Variants in LRP1B observed in about 807,000 individuals in gnomAD.
LRP1B encodes low-density lipoprotein receptor-related protein 1B.
In LRP1B, 217 loss-of-function variants were observed where a neutral mutation model predicts 556.6. The observed-to-expected ratio is 0.39, with a 90% confidence interval of 0.35 to 0.44. The LOEUF (loss-of-function observed/expected upper bound fraction) is 0.44. Among genes scored for constraint, LRP1B ranks in the 20% least tolerant of loss-of-function variants. LRP1B has a pLI of 1.00. For synonymous variants in LRP1B, 2,047 were observed against 1,865.8 expected, an observed-to-expected ratio of 1.10 and a Z score of -2.50; for missense variants, 5,053 against 5,620.8, an observed-to-expected ratio of 0.90 and a Z score of 3.23.
At chr2:142,130,301 G>A (rs979307522) in intron 1 of LRP1B, among the ~76,000 whole-genome samples, 14 of 152,220 alleles carry the variant, frequency 9.2e-5, no homozygotes, top group African/African-American at 3.4e-4. Flanking sequence ...GAGGGCCATC[G>A]CGGAGGGAAG....
chr2:140,468,810 G>A lies in LRP1B; in HGVS notation c.9625+6328C>T, dbSNP rs147322571. 3.2e-3 allele frequency among the ~76,000 whole-genome samples: 489 copies of A among 152,218 alleles called. 2 individuals are homozygous for A. Among genetic ancestry groups the A allele is most frequent in the African/African-American group, 0.011 (459 of 41,538 alleles). On this transcript the variant is annotated intron_variant, in intron 60 of 90. Transcript: ENST00000389484. ...GGAGCCTTAAGATTTAATGTTTTCC[G>A]TTTTGGTTTTGGTGTTTGGTCAGAA...
chr2:140,408,400 G>A (rs1684838657), intron 66 of LRP1B, among the ~76,000 whole-genome samples: 1 of 151,970 alleles, frequency 6.6e-6, no homozygotes, highest in South Asian at 2.1e-4. Flanking sequence ...AGGCGATCTT[G>A]TGAGCTCTGG....
At chr2:141,764,704 T>TA (rs1694677321) in intron 2 of LRP1B, among the ~76,000 whole-genome samples, 1 of 151,552 alleles carries the variant, frequency 6.6e-6, no homozygotes, top group South Asian at 2.1e-4. Context: ...AATTTTTTTT[T>TA]ATGGGAGCCT....
intron 53 of LRP1B, among the ~76,000 whole-genome samples, chr2:140,505,885 G>A (rs7423992): frequency 0.2 from 29,866 of 151,964 alleles, 3,603 homozygotes; most frequent in Non-Finnish European, 0.27. Flanking sequence ...GATATTTTAC[G>A]AAAACATTAA....
rs758661846 is a variant in LRP1B at position 141,013,709 on chromosome 2, C to T, written c.2227G>A (p.Gly743Arg). ...YSGRELNHPF[G>R]LSHHGNYVFW... ...ACATAATTTCCATGATGCGACAGTC[C>T]GAAAGGGTGGTTCAACTCTCTCCCA... Residue 743 changes from glycine to arginine, a missense_variant, in exon 14 of 91, where the codon GGA (glycine) becomes AGA (arginine). By Grantham distance (125) the Gly-to-Arg change is moderately radical. This residue lies in a region of LRP1B where 3,619 missense variants were observed against 3,931.9 expected (regional missense o/e 0.92). Coordinates refer to ENST00000389484, the MANE Select transcript of LRP1B (RefSeq NM_018557.3). The T allele has an allele frequency of 3.8e-6, 6 of 1,595,644 alleles. No homozygotes were observed. The highest frequency in any genetic ancestry group is 2.7e-5 in the African/African-American group (2 of 73,810).
chr2:140,442,664 C>T (rs369092391), intron 65 of LRP1B, 41 bp from the exon 66 acceptor site: 97 of 1,598,382 alleles, frequency 6.1e-5, no homozygotes, highest in Non-Finnish European at 7.8e-5. Flanking sequence ...CTTTGGAGAA[C>T]ATATTTATTT....
chr2:141,942,705 C>CA (rs1700847661), intron 1 of LRP1B, among the ~76,000 whole-genome samples: 2 of 152,026 alleles, frequency 1.3e-5, no homozygotes, highest in African/African-American at 4.8e-5. Context: ...CAGCAGTTTC[C>CA]AAAACAGTGT....
intron 2 of LRP1B, among the ~76,000 whole-genome samples, chr2:141,620,942 C>A (rs1233407971): frequency 4.8e-5 from 1 of 20,706 alleles, no homozygotes; most frequent in Non-Finnish European, 9.2e-5. Flanking sequence ...ATTTCATTAA[C>A]CTTTTAATAA....
intron 3 of LRP1B, among the ~76,000 whole-genome samples, chr2:141,414,797 G>A (rs4954702): frequency 0.5 from 75,755 of 152,132 alleles, 21,111 homozygotes; most frequent in East Asian, 0.68. Context: ...TGTCGTTGTT[G>A]TAGTTTATAA....
Position 140,841,026 on chromosome 2 carries a change from T to G in LRP1B, c.5006A>C (p.Glu1669Ala), listed in dbSNP as rs759397426. 11 of 1,613,486 alleles carry G rather than the reference T, an allele frequency of 6.8e-6. No individual in the cohort carries two copies. The African/African-American group carries it at 1.3e-4, about 20-fold the overall frequency. ...VSRNLYWISS[E>A]FDETQINVAR... ...CACATTAATTTGCGTTTCATCAAATTCTGAGCTAATCCAGTATAAATTACG... is the reference window on the plus strand; with the variant it reads ...CACATTAATTTGCGTTTCATCAAATGCTGAGCTAATCCAGTATAAATTACG... Residue 1669 changes from glutamate (E) to alanine (A), a missense_variant, in exon 30 of 91, where the codon GAA (glutamate) becomes GCA (alanine). Glu to Ala is a moderately radical substitution (Grantham distance 107, BLOSUM62 -1). Transcript: ENST00000389484.
At position 140,838,504 on chromosome 2, in the gene LRP1B, G is replaced by A. The variant is rs565105183; in HGVS notation, c.5209+1487C>T. ...GAGAGGTTTATTCTATAGACCACAT[G>A]AAAAGAATTATTTATTGCAAATCTT... On this transcript the variant is annotated intron_variant, in intron 31 of 90. Coordinates refer to ENST00000389484, the MANE Select transcript of LRP1B (RefSeq NM_018557.3). Among the ~76,000 whole-genome samples, 16 of 152,086 alleles carry A rather than the reference G, an allele frequency of 1.1e-4. No individual in the cohort carries two copies. In the South Asian group the frequency reaches 3.3e-3, roughly 32 times the overall value.
Position 140,291,318 on chromosome 2 carries a change from A to ATATAT in LRP1B, c.12967+6489_12967+6490insATATA, listed in dbSNP as rs369391920. Among the ~76,000 whole-genome samples the ATATAT allele has an allele frequency of 2.0e-3, 214 of 109,324 alleles. 8 individuals carry two copies. Among genetic ancestry groups the ATATAT allele is most frequent in the Non-Finnish European group, 3.2e-3 (160 of 50,474 alleles). The allele number at this position is 109,324 out of a possible 152,430, so 71.7% of individuals were successfully genotyped here. A position where few individuals can be genotyped will look rare whatever the true frequency, so the allele number is the denominator to read the frequency against. On this transcript the variant is annotated intron_variant, in intron 84 of 90. Coordinates refer to ENST00000389484, the MANE Select transcript of LRP1B (RefSeq NM_018557.3). The stretch of plus-strand genomic sequence containing the variant: ...TTATTTTATATATATATATATATAT[A>ATATAT]TTTTTATTATACTTTAAGTTCTAGG...
Position 141,912,588 on chromosome 2 carries a change from G to A in LRP1B, c.83-102187C>T, listed in dbSNP as rs910042240. The stretch of plus-strand genomic sequence containing the variant: ...TGTGGGGAGAGGACAATGGAGAGTC[G>A]TTATTTACTACATTTTAGGAGTTCA... On this transcript the variant is annotated intron_variant, in intron 1 of 90. Coordinates refer to ENST00000389484, the MANE Select transcript of LRP1B (RefSeq NM_018557.3). Among the ~76,000 whole-genome samples the A allele has an allele frequency of 5.3e-5, 8 of 152,114 alleles. No individual in the cohort carries two copies. In the East Asian group the frequency reaches 7.7e-4, roughly 15 times the overall value.
intron 86 of LRP1B, among the ~76,000 whole-genome samples, chr2:140,268,937 T>G (rs558912662): frequency 6.6e-6 from 1 of 152,072 alleles, no homozygotes; most frequent in Admixed American, 6.6e-5. Flanking sequence ...TAAATAAAAA[T>G]TATTCCAAAT....
In LRP1B at chr2:140,920,960, T is replaced by G. The variant is rs1370516654; in HGVS notation, c.3319+2005A>C. Among the ~76,000 whole-genome samples the G allele has an allele frequency of 2.6e-5, 4 of 152,014 alleles. No homozygotes were observed. In the East Asian group the frequency reaches 7.7e-4, roughly 29 times the overall value. ...AGATAGCCAGCTTTCCTCATCATAC[T>G]TCAGATTTATTTTGATGTTGAACCA... On this transcript the variant is annotated intron_variant, in intron 21 of 90. Transcript: ENST00000389484.
At chr2:141,753,468 G>A (rs1020159552) in intron 2 of LRP1B, among the ~76,000 whole-genome samples, 6 of 151,526 alleles carry the variant, frequency 4.0e-5, no homozygotes, top group East Asian at 1.9e-4. Flanking sequence ...GTCCACTCCC[G>A]AGGGTGTGCG....
intron 2 of LRP1B, among the ~76,000 whole-genome samples, chr2:141,587,192 A>T (rs1452250357): frequency 6.6e-6 from 1 of 152,210 alleles, no homozygotes; most frequent in Non-Finnish European, 1.5e-5. Flanking sequence ...CTTATCAGCA[A>T]AAAAGTATAT....
At position 140,840,016 on chromosome 2, in the gene LRP1B, C is replaced by T. The variant is rs140962883; in HGVS notation, c.5184G>A (p.Leu1728=). The part of the protein sequence containing the change: ...ANMDGSNSKI[L]FQNQKEPVGL... ...CAACTGGCTCCTTCTGATTCTGAAA[C>T]AGAATCTTGCTATTACTGCCATCCA... is the stretch of plus-strand genomic sequence containing the variant. Residue 1728 remains leucine (L), a synonymous_variant, in exon 31 of 91, where the codon CTG becomes CTA. Transcript: ENST00000389484. 1.9e-6 allele frequency: 3 copies of T among 1,610,542 alleles called. No homozygotes were observed. The highest frequency in any genetic ancestry group is 2.5e-6 in the Non-Finnish European group (3 of 1,179,028).
rs147493019 is a variant in LRP1B at position 141,570,106 on chromosome 2, A to C, written c.206-89573T>G. ...GGGGGTGGGGCCGAGATGACTGACTAGAAGCAGAGGCATTTGGAGGCTCCC... is the reference window on the plus strand; with the variant it reads ...GGGGGTGGGGCCGAGATGACTGACTCGAAGCAGAGGCATTTGGAGGCTCCC... On this transcript the variant is annotated intron_variant, in intron 2 of 90. Transcript: ENST00000389484. 2.0e-3 allele frequency among the ~76,000 whole-genome samples: 302 copies of C among 150,088 alleles called. 4 individuals carry two copies. Among genetic ancestry groups the C allele is most frequent in the African/African-American group, 7.0e-3 (288 of 41,282 alleles).
Sources: gnomAD v4.1 joint callset for allele counts (sites outside exome capture counted in the v4.1 genomes callset) on GRCh38, gnomAD v4.1.1 for gene constraint, gnomAD v4.1.1 regional missense constraint, MANE v1.5 for transcripts, NCBI Gene and HGNC (gene_info 2026-07-23, HGNC 2026-07-21) for gene names.